The following ERGIC2 variants were observed in gnomAD, a reference collection of about 807,000 sequenced individuals.
ERGIC2 encodes endoplasmic reticulum-Golgi intermediate compartment protein 2.
Under a neutral mutation model 52.5 loss-of-function variants are expected in ERGIC2, and 31 were observed. The observed-to-expected ratio is 0.59, with a 90% CI of 0.44 to 0.80. The LOEUF (loss-of-function observed/expected upper bound fraction) is 0.80. Ranked by LOEUF, ERGIC2 falls within the 30% of genes least tolerant of loss-of-function variation. The pLI is 0.00. For missense variants in ERGIC2, 395 were observed against 455.2 expected (o/e 0.87, Z 1.20); for synonymous variants, 129 against 140.6 (o/e 0.92, Z 0.58).
At chr12:29,341,977 C>G in intron 12 of ERGIC2, 161 bp from the exon 13 acceptor site, 1 of 489,548 alleles carries the variant, frequency 2.0e-6, no homozygotes, top group South Asian at 2.7e-5. Flanking sequence ...AAATGGATTT[C>G]TTTTCAAAGT....
chr12:29,357,057 C>T (rs923933452), intron 7 of ERGIC2, among the ~76,000 whole-genome samples: 2 of 151,178 alleles, frequency 1.3e-5, no homozygotes, highest in African/African-American at 4.9e-5. Context: ...AACCCCGCCT[C>T]CTGGGTTCAA....
chr12:29,357,479 A>G, intron 7 of ERGIC2, 144 bp downstream of exon 7: 2 of 526,896 alleles, frequency 3.8e-6, no homozygotes, highest in Non-Finnish European at 6.7e-6. Flanking sequence ...ATTTAAGAGC[A>G]AAAGGCGTCT....
chr12:29,341,677 G>T, intron 13 of ERGIC2, 57 bp downstream of exon 13: 1 of 934,430 alleles, frequency 1.1e-6, no homozygotes, highest in South Asian at 1.4e-5. Flanking sequence ...CTGGCTCATA[G>T]ACTTAACAAT....
intron 4 of ERGIC2, 91 bp from the exon 5 acceptor site, chr12:29,367,038 C>A: frequency 2.8e-5 from 14 of 503,944 alleles, no homozygotes; most frequent in South Asian, 8.0e-5. Context: ...TAACAGAAAA[C>A]TCACCAAGCA....
chr12:29,356,463 G>A lies in ERGIC2; in HGVS notation c.491C>T (p.Ser164Leu). Residue 164 changes from serine (S) to leucine (L), a missense_variant, in exon 8 of 14, where the codon TCA becomes TTA. Transcript: ENST00000360150. ...TALPPREDDSSQSPNACRIHG... is the reference protein window; with the variant it reads ...TALPPREDDSLQSPNACRIHG... ...AATTCTGCATGCATTTGGAGACTGT[G>A]ATGAATCATCTTCTCTGTTAAAATA... The A allele has an allele frequency of 6.4e-7, 1 of 1,573,846 alleles. No homozygotes were observed. The highest frequency in any genetic ancestry group is 8.7e-7 in the Non-Finnish European group (1 of 1,143,852).
chr12:29,341,235 G>GTTTT lies in ERGIC2; in HGVS notation c.1072-18_1072-17insAAAA. On this transcript the variant is annotated splice_polypyrimidine_tract_variant and intron_variant, in intron 13 of 13. Coordinates refer to ENST00000360150, the MANE Select transcript of ERGIC2 (RefSeq NM_016570.3). ...AAAAGGAACCTAAGGAGAAAAGGAG[G>GTTTT]GAAAAAAAGACCAAAGAATTAGTTT... 6.3e-7 allele frequency: 1 copy of GTTTT among 1,590,532 alleles called. No individual in the cohort carries two copies. Among genetic ancestry groups the GTTTT allele is most frequent in the Non-Finnish European group, 8.6e-7 (1 of 1,165,028 alleles).
In ERGIC2 at chr12:29,338,493, A is replaced by C. The variant is rs1949813057; in HGVS notation, c.*2663T>G. 1 of 152,114 alleles carries C rather than the reference A, an allele frequency of 6.6e-6. No individual in the cohort carries two copies. The highest frequency in any genetic ancestry group is 2.4e-5 in the African/African-American group (1 of 41,412). The allele number at this position is 152,114 out of a possible 1,614,324, so 9.4% of individuals were successfully genotyped here. On this transcript the variant is annotated 3_prime_UTR_variant, in exon 14 of 14. Transcript: ENST00000360150. ...GATACTAACTATATAAATGAAAAAG[A>C]ATTAGCCAGGTTTGTTGGTGCATGG...
chr12:29,349,741 T>C (rs1940106207), intron 9 of ERGIC2, among the ~76,000 whole-genome samples: 1 of 152,056 alleles, frequency 6.6e-6, no homozygotes, highest in Non-Finnish European at 1.5e-5. Context: ...TGAAATAAAC[T>C]GCAAATATAT....
At chr12:29,344,653 C>T (rs948025504) in intron 11 of ERGIC2, among the ~76,000 whole-genome samples, 3 of 151,680 alleles carry the variant, frequency 2.0e-5, no homozygotes, top group Non-Finnish European at 4.4e-5. Context: ...ACTCCAATAC[C>T]TAATCTCATA....
intron 1 of ERGIC2, chr12:29,372,998 A>T (rs1223225215): frequency 4.6e-5 from 7 of 152,084 alleles, no homozygotes; most frequent in African/African-American, 1.7e-4. Flanking sequence ...AATTAATGAC[A>T]TAAGAAAATA....
At chr12:29,348,362 G>A (rs1940086696) in intron 10 of ERGIC2, among the ~76,000 whole-genome samples, 1 of 152,030 alleles carries the variant, frequency 6.6e-6, no homozygotes, top group Admixed American at 6.5e-5. Flanking sequence ...CCTACTAGCT[G>A]AACAAGCTTC....
At chr12:29,354,590 TC>T (rs1940176966) in intron 8 of ERGIC2, among the ~76,000 whole-genome samples, 2 of 152,280 alleles carry the variant, frequency 1.3e-5, no homozygotes, top group Admixed American at 1.3e-4. Context: ...TTCAAAAAGA[TC>T]AATATTGAAC....
At chr12:29,379,125 G>C (rs1940553086) in intron 1 of ERGIC2, among the ~76,000 whole-genome samples, 1 of 152,142 alleles carries the variant, frequency 6.6e-6, no homozygotes, top group Non-Finnish European at 1.5e-5. Context: ...AAAGTGCCTA[G>C]TAGCAATGTG....
At chr12:29,352,759 A>T (rs1940150268) in intron 8 of ERGIC2, among the ~76,000 whole-genome samples, 2 of 152,226 alleles carry the variant, frequency 1.3e-5, no homozygotes, top group Non-Finnish European at 2.9e-5. Context: ...TTTGGTATAT[A>T]AACTGTAGTT....
chr12:29,376,638 C>T (rs1047442161), intron 1 of ERGIC2, among the ~76,000 whole-genome samples: 1 of 152,174 alleles, frequency 6.6e-6, no homozygotes, highest in Admixed American at 6.5e-5. Context: ...CAAGCTCTTT[C>T]CTAAGATAAA....
chr12:29,372,645 A>G (rs1006674488), intron 1 of ERGIC2: 2 of 151,352 alleles, frequency 1.3e-5, no homozygotes, highest in Admixed American at 1.3e-4. Flanking sequence ...TTACGTAGCC[A>G]TTGAAAATCT....
At chr12:29,341,433 CG>C in intron 13 of ERGIC2, among the ~76,000 whole-genome samples, 1 of 151,614 alleles carries the variant, frequency 6.6e-6, no homozygotes, top group South Asian at 2.1e-4. Context: ...GTGGTACGTA[CG>C]ATCATAGCTC....
chr12:29,355,469 A>T (rs1042541121), intron 8 of ERGIC2, among the ~76,000 whole-genome samples: 1 of 152,214 alleles, frequency 6.6e-6, no homozygotes, highest in Non-Finnish European at 1.5e-5. Context: ...CTTGTACAAT[A>T]AAGAATTGTT....
chr12:29,361,655 C>G lies in ERGIC2; in HGVS notation c.364G>C (p.Glu122Gln). 2 of 1,606,256 alleles carry G rather than the reference C, an allele frequency of 1.2e-6. No homozygotes were observed. The highest frequency in any genetic ancestry group is 1.7e-6 in the Non-Finnish European group (2 of 1,176,256). ...TVFDLSPQQK[E>Q]WQRMLQLIQS... ...TTGTTCTCTTATTACCTCTGCCACT[C>G]TTTCTGCTGTGGTGAAAGATCAAAT... is the stretch of plus-strand genomic sequence containing the variant. The change falls in exon 6 of 14, where the codon GAG becomes CAG. Residue 122 changes from glutamate (E) to glutamine (Q), a missense_variant. Glu to Gln is a conservative substitution (Grantham distance 29). Coordinates refer to ENST00000360150, the MANE Select transcript of ERGIC2 (RefSeq NM_016570.3).
Sources: gnomAD v4.1 joint callset for allele counts (sites outside exome capture counted in the v4.1 genomes callset) on GRCh38, gnomAD v4.1.1 for gene constraint, MANE v1.5 for transcripts, NCBI Gene and HGNC (gene_info 2026-07-23, HGNC 2026-07-21) for gene names.